DDR1: variants seen among roughly 807,000 people sequenced by gnomAD.
DDR1 encodes epithelial discoidin domain-containing receptor 1.
A neutral mutation model predicts 97.4 loss-of-function variants in DDR1; 64 were observed. The observed-to-expected ratio is 0.66, with a 90% CI of 0.54 to 0.81. DDR1 has a LOEUF of 0.81. DDR1 is among the 30% of genes least tolerant of loss of function. DDR1 has a pLI of 0.00. For missense variants in DDR1, 990 were observed against 1,259.6 expected (o/e 0.79, Z 3.24); for synonymous variants, 458 against 503.7 (o/e 0.91, Z 1.21).
chr6:30,889,217 C>T lies in DDR1; in HGVS notation c.204C>T (p.Asp68=), dbSNP rs975622171. 64 of 1,612,918 alleles carry T rather than the reference C, an allele frequency of 4.0e-5. No homozygotes were observed. The highest frequency in any genetic ancestry group is 5.2e-5 in the Non-Finnish European group (61 of 1,180,032). The part of the protein sequence containing the change: ...AARHSRLESS[D]GDGAWCPAGS... ...TCACCCTCAGGTTGGAGAGCAGTGA[C>T]GGGGATGGGGCCTGGTGCCCCGCAG... The change falls in exon 4 of 18, where the codon GAC becomes GAT. Residue 68 remains aspartate, a synonymous_variant. Coordinates refer to ENST00000376568, the MANE Select transcript of DDR1 (RefSeq NM_001297654.2). This position sits in a 1 kb window ranked among gnomAD's most constrained non-coding sequence, Gnocchi z 4.9.
At position 30,899,614 on chromosome 6, in the gene DDR1, T is replaced by C. The variant is rs1178011175; in HGVS notation, c.*318T>C. On this transcript the variant is annotated 3_prime_UTR_variant, in exon 18 of 18. Coordinates refer to ENST00000376568, the MANE Select transcript of DDR1 (RefSeq NM_001297654.2). ...GGGAAGGGTGGGGAGAAATATAGGA[T>C]AGACACTGGACATGGCCCATTGGAG... 2.2e-6 allele frequency: 1 copy of C among 460,920 alleles called. No homozygotes were observed. The highest frequency in any genetic ancestry group is 3.9e-6 in the Non-Finnish European group (1 of 257,036). The allele number at this position is 460,920 out of a possible 1,614,324, so 28.6% of individuals were successfully genotyped here.
chr6:30,893,011 TC>T lies in DDR1; in HGVS notation c.1100-54del, dbSNP rs563436031. On this transcript the variant is annotated intron_variant, in intron 8 of 17. Transcript: ENST00000376568. ...TGCACAACAGTCCACTGCCTCTGCC[TC>T]CCTTGGGTCTCCTCCTCATTTACCT... 5.6e-4 allele frequency: 816 copies of T among 1,463,374 alleles called. 5 individuals are homozygous for T. In the African/African-American group the frequency reaches 9.7e-3, roughly 17 times the overall value. 90.6% of individuals were successfully genotyped at this position (1,463,374 alleles called of 1,614,324 possible).
intron 1 of DDR1, chr6:30,885,822 G>A: frequency 7.8e-7 from 1 of 1,289,676 alleles, no homozygotes; most frequent in Non-Finnish European, 1.0e-6. Context: ...GTAAGTTTGT[G>A]TGTTTCACCG....
At chr6:30,898,860 T>C in intron 16 of DDR1, 28 bp from the exon 17 acceptor site, 2 of 1,592,954 alleles carry the variant, frequency 1.3e-6, no homozygotes, top group East Asian at 4.5e-5. Context: ...TGTCCCTGTC[T>C]GTTTTTGCTG....
At chr6:30,895,256 G>C (rs182947339) in intron 11 of DDR1, 148 bp from the exon 12 acceptor site, 6 of 610,774 alleles carry the variant, frequency 9.8e-6, no homozygotes, top group Non-Finnish European at 1.7e-5. Context: ...CCAGCCGTCC[G>C]TCACTCTGCA....
chr6:30,893,029 C>T, intron 8 of DDR1, 39 bp from the exon 9 acceptor site: 1 of 1,569,050 alleles, frequency 6.4e-7, no homozygotes, highest in Non-Finnish European at 8.7e-7. Context: ...GTCTCCTCCT[C>T]ATTTACCTCC....
Position 30,891,527 on chromosome 6 carries a change from C to CTGTGTGTG in DDR1, c.665+71_665+78dup, listed in dbSNP as rs9281074. ...ATGGAGTTTGGGGTGGGAGGGAGGA[C>CTGTGTGTG]TGTGTGTGTGTGTGTGTGTGTGTGT... On this transcript the variant is annotated intron_variant, in intron 6 of 17. Transcript: ENST00000376568. The surrounding 1 kb of genome is among the most constrained non-coding windows in gnomAD (Gnocchi z 5.3). 1.2e-3 allele frequency: 960 copies of CTGTGTGTG among 797,932 alleles called. 2 individuals carry two copies. Among genetic ancestry groups the CTGTGTGTG allele is most frequent in the African/African-American group, 3.8e-3 (191 of 50,388 alleles). 49.4% of individuals were successfully genotyped at this position (797,932 alleles called of 1,614,324 possible). A position where few individuals can be genotyped will look rare whatever the true frequency, so the allele number is the denominator to read the frequency against.
chr6:30,894,771 A>G lies in DDR1; in HGVS notation c.1513+100A>G. The G allele has an allele frequency of 7.5e-7, 1 of 1,328,600 alleles. No homozygotes were observed. Among genetic ancestry groups the G allele is most frequent in the East Asian group, 2.5e-5 (1 of 39,880 alleles). 82.3% of individuals were successfully genotyped at this position (1,328,600 alleles called of 1,614,324 possible). A position where few individuals can be genotyped will look rare whatever the true frequency, so the allele number is the denominator to read the frequency against. ...TTTTTTCCTGTCTTCCCCAGTTTCC[A>G]CTTGTTTTCTTCTTTCTGTGCCCCT... On this transcript the variant is annotated intron_variant, in intron 11 of 17. Transcript: ENST00000376568. The surrounding 1 kb of genome is among the most constrained non-coding windows in gnomAD (Gnocchi z 5.7).
At chr6:30,885,712 T>G in intron 1 of DDR1, 4 of 1,302,624 alleles carry the variant, frequency 3.1e-6, no homozygotes, top group Non-Finnish European at 4.0e-6. Flanking sequence ...CATGAGCTTC[T>G]GTGTTTGCTC....
At chr6:30,884,353 G>T, upstream of DDR1, 1 of 152,072 alleles carries the variant, frequency 6.6e-6, no homozygotes, top group South Asian at 1.8e-4. The surrounding 1 kb of genome is among the most constrained non-coding windows in gnomAD (Gnocchi z 6.1). Flanking sequence ...CGCCGGGCGT[G>T]GGAGCCACTG....
At position 30,889,359 on chromosome 6, in the gene DDR1, C is replaced by A. The variant is rs142628047; in HGVS notation, c.346C>A (p.Arg116=). The change falls in exon 4 of 18, where the codon CGG becomes AGG. Residue 116 remains arginine (R), a synonymous_variant. Transcript: ENST00000376568. This position sits in a 1 kb window ranked among gnomAD's most constrained non-coding sequence, Gnocchi z 4.9. The part of the protein sequence containing the change: ...HAGGLGKEFS[R]SYRLRYSRDG... ...CGGGGGCCTGGGCAAGGAGTTCTCC[C>A]GGAGCTACCGGCTGCGTTACTCCCG... The A allele has an allele frequency of 1.3e-5, 21 of 1,608,824 alleles. No individual in the cohort carries two copies. The highest frequency in any genetic ancestry group is 1.7e-5 in the Non-Finnish European group (20 of 1,177,896).
At position 30,892,472 on chromosome 6, in the gene DDR1, T is replaced by C; in HGVS notation, c.1029T>C (p.Ala343=). Residue 343 remains alanine (A), a synonymous_variant, in exon 8 of 18, where the codon GCT becomes GCC. Transcript: ENST00000376568. The part of the protein sequence containing the change: ...AVSVPLGGRV[A]RFLQCRFLFA... Reference sequence around the variant, plus strand: ...CAGTGCCCCTTGGCGGCCGTGTGGCTCGCTTTCTGCAGTGCCGCTTCCTCT... The same window carrying C: ...CAGTGCCCCTTGGCGGCCGTGTGGCCCGCTTTCTGCAGTGCCGCTTCCTCT... 6.2e-7 allele frequency: 1 copy of C among 1,610,634 alleles called. No individual in the cohort carries two copies. Among genetic ancestry groups the C allele is most frequent in the Non-Finnish European group, 8.5e-7 (1 of 1,179,648 alleles).
rs936816885 is a variant in DDR1 at position 30,891,018 on chromosome 6, C to T, written c.463C>T (p.Leu155Phe). ...EDPEGVVLKD[L>F]GPPMVARLVR... ...CCCTGAGGGAGTGGTGCTGAAGGAC[C>T]TTGGGCCCCCCATGGTTGCCCGACT... The change falls in exon 5 of 18, where the codon CTT becomes TTT. Residue 155 changes from leucine (L) to phenylalanine (F), a missense_variant. Transcript: ENST00000376568. This position sits in a 1 kb window ranked among gnomAD's most constrained non-coding sequence, Gnocchi z 5.3. 6.2e-7 allele frequency: 1 copy of T among 1,612,652 alleles called. No homozygotes were observed. The highest frequency in any genetic ancestry group is 8.5e-7 in the Non-Finnish European group (1 of 1,179,866).
In DDR1 at chr6:30,897,676, G is replaced by A; in HGVS notation, c.2216+79G>A. ...CCTCTCCCCTCGCTTCAGCCTGGAG[G>A]AAAAGAGGGGAGCGTGGGGGTGGGA... On this transcript the variant is annotated intron_variant, in intron 15 of 17. Transcript: ENST00000376568. The surrounding 1 kb of genome is among the most constrained non-coding windows in gnomAD (Gnocchi z 5.2). The A allele has an allele frequency of 8.2e-7, 1 of 1,218,930 alleles. No homozygotes were observed. The highest frequency in any genetic ancestry group is 1.2e-6 in the Non-Finnish European group (1 of 868,730). The allele number at this position is 1,218,930 out of a possible 1,614,324, so 75.5% of individuals were successfully genotyped here.
rs1319301090 is a variant in DDR1 at position 30,889,769 on chromosome 6, G to A, written c.417+339G>A. On this transcript the variant is annotated intron_variant, in intron 4 of 17. Coordinates refer to ENST00000376568, the MANE Select transcript of DDR1 (RefSeq NM_001297654.2). The surrounding 1 kb of genome is among the most constrained non-coding windows in gnomAD (Gnocchi z 4.9). ...TGTCTAATAGGCATCTCAAACGTAC[G>A]TTTAACTTCCCAAGCTGAATTTGAT... Among the ~76,000 whole-genome samples the A allele has an allele frequency of 6.6e-6, 1 of 152,022 alleles. No homozygotes were observed. Among genetic ancestry groups the A allele is most frequent in the Non-Finnish European group, 1.5e-5 (1 of 68,022 alleles).
rs754189500 is a variant in DDR1 at position 30,891,070 on chromosome 6, G to A, written c.515G>A (p.Arg172Gln). ...GTTCGCTTCTACCCCCGGGCTGACC[G>A]GGTCATGAGCGTCTGTCTGCGGGTA... is the stretch of plus-strand genomic sequence containing the variant. ...RLVRFYPRAD[R>Q]VMSVCLRVEL... Residue 172 changes from arginine to glutamine, a missense_variant, in exon 5 of 18, where the codon CGG becomes CAG. By Grantham distance (43) the Arg-to-Gln change is conservative. Transcript: ENST00000376568. This position sits in a 1 kb window ranked among gnomAD's most constrained non-coding sequence, Gnocchi z 5.3. 7 of 1,613,050 alleles carry A rather than the reference G, an allele frequency of 4.3e-6. No homozygotes were observed. Among genetic ancestry groups the A allele is most frequent in the African/African-American group, 1.3e-5 (1 of 75,054 alleles).
rs1486590414 is a variant in DDR1, at chr6:30,889,975, C to T, written c.417+545C>T. Among the ~76,000 whole-genome samples the T allele has an allele frequency of 1.3e-5, 2 of 152,102 alleles. No individual in the cohort carries two copies. Among genetic ancestry groups the T allele is most frequent in the Non-Finnish European group, 2.9e-5 (2 of 68,022 alleles). ...TCTACCTCCATAGTGTTCCTGAGTCCAGTCACTCCTCACCACTCCACCTCT... is the reference window on the plus strand; with the variant it reads ...TCTACCTCCATAGTGTTCCTGAGTCTAGTCACTCCTCACCACTCCACCTCT... On this transcript the variant is annotated intron_variant, in intron 4 of 17. Coordinates refer to ENST00000376568, the MANE Select transcript of DDR1 (RefSeq NM_001297654.2). The surrounding 1 kb of genome is among the most constrained non-coding windows in gnomAD (Gnocchi z 4.9).
At chr6:30,887,481 C>T (rs1017556679) in intron 1 of DDR1, among the ~76,000 whole-genome samples, 4 of 152,162 alleles carry the variant, frequency 2.6e-5, no homozygotes, top group African/African-American at 9.7e-5. Context: ...GACGTACACA[C>T]AGGTATATAT....
chr6:30,888,615 A>G lies in DDR1; in HGVS notation c.-42-73A>G. 1 of 1,513,610 alleles carries G rather than the reference A, an allele frequency of 6.6e-7. No individual in the cohort carries two copies. Among genetic ancestry groups the G allele is most frequent in the East Asian group, 2.4e-5 (1 of 41,404 alleles). The allele number at this position is 1,513,610 out of a possible 1,614,324, so 93.8% of individuals were successfully genotyped here. A position where few individuals can be genotyped will look rare whatever the true frequency, so the allele number is the denominator to read the frequency against. On this transcript the variant is annotated intron_variant, in intron 1 of 17. Transcript: ENST00000376568. This position sits in a 1 kb window ranked among gnomAD's most constrained non-coding sequence, Gnocchi z 4.2. The stretch of plus-strand genomic sequence containing the variant: ...ACTGTTATTATCCCCAAAGCGGCCC[A>G]TTCTGTCTGTTGCTGTCAGCTATGA...
Sources: allele counts gnomAD v4.1 joint callset (sites outside exome capture counted in the v4.1 genomes callset), GRCh38; gene constraint gnomAD v4.1.1; non-coding constraint Gnocchi (gnomAD v3.1); transcripts MANE v1.5; gene names NCBI Gene and HGNC (gene_info 2026-07-23, HGNC 2026-07-21).